The following CLCN4 variants were observed in gnomAD, a reference collection of about 807,000 sequenced individuals.
CLCN4 encodes the protein Cl-/H+ antiporter 4.
A neutral mutation model predicts 41.7 loss-of-function variants in CLCN4; 1 was observed. That is an observed-to-expected ratio of 0.02 (90% CI 0.01 to 0.11). CLCN4 has a LOEUF of 0.11. Ranked by LOEUF, CLCN4 falls within the 10% of genes least tolerant of loss-of-function variation. CLCN4 has a pLI of 1.00. For synonymous variants in CLCN4, 277 were observed against 285.8 expected, an observed-to-expected ratio of 0.97 and a Z score of 0.31; for missense variants, 287 against 661.0, an observed-to-expected ratio of 0.43 and a Z score of 6.20.
At chrX:10,198,225 G>C (rs1411481781) in intron 6 of CLCN4, among the ~76,000 whole-genome samples, 164 bp downstream of exon 6, 2 of 112,168 alleles carry the variant, frequency 1.8e-5, no homozygotes, top group East Asian at 5.6e-4. Flanking sequence ...GATAGTTGAC[G>C]AAACTAAAGC....
intron 2 of CLCN4, among the ~76,000 whole-genome samples, chrX:10,183,994 T>A (rs1232562347): frequency 2.7e-5 from 3 of 112,053 alleles, no homozygotes; most frequent in Non-Finnish European, 3.8e-5. Flanking sequence ...CATAGAGGGC[T>A]CCTGCCATCT....
At chrX:10,184,895 A>G in intron 2 of CLCN4, 127 bp from the exon 3 acceptor site, 1 of 489,690 alleles carries the variant, frequency 2.0e-6, no homozygotes, top group Admixed American at 3.6e-5. Context: ...TATATATTTC[A>G]TTACAGCACA....
At chrX:10,204,027 C>T (rs1051069939) in intron 6 of CLCN4, among the ~76,000 whole-genome samples, 1 of 111,666 alleles carries the variant, frequency 9.0e-6, no homozygotes, top group Non-Finnish European at 1.9e-5. Flanking sequence ...GTTGCTAACC[C>T]GGCAGTAAAC....
intron 2 of CLCN4, among the ~76,000 whole-genome samples, chrX:10,161,063 C>T (rs900489027): frequency 9.1e-6 from 1 of 109,304 alleles, no homozygotes; most frequent in Admixed American, 9.7e-5. Flanking sequence ...TTTCCTTGTG[C>T]CCCAGGCTTT....
chrX:10,214,669 G>A (rs1229953958), intron 11 of CLCN4, among the ~76,000 whole-genome samples: 1 of 112,616 alleles, frequency 8.9e-6, no homozygotes, highest in African/African-American at 3.2e-5. Flanking sequence ...AACCAATTGC[G>A]TGAGATGATT....
At chrX:10,227,927 CTTT>C (rs983768587) in intron 12 of CLCN4, among the ~76,000 whole-genome samples, 1 of 110,820 alleles carries the variant, frequency 9.0e-6, no homozygotes, top group Non-Finnish European at 1.9e-5. Context: ...TTTGGTTTCC[CTTT>C]TTTTCTTTTT....
At chrX:10,207,713 A>G (rs761930832) in intron 8 of CLCN4, among the ~76,000 whole-genome samples, 29 of 112,001 alleles carry the variant, frequency 2.6e-4, no homozygotes, top group Non-Finnish European at 4.9e-4. Context: ...GAGTTTTCCA[A>G]ACCCTGATCT....
At chrX:10,172,551 A>G (rs1042890863) in intron 2 of CLCN4, among the ~76,000 whole-genome samples, 4 of 111,405 alleles carry the variant, frequency 3.6e-5, no homozygotes, top group Non-Finnish European at 7.5e-5. Context: ...ACTGTGAATG[A>G]AGAGACCGAG....
chrX:10,183,327 T>C (rs1311890211), intron 2 of CLCN4, among the ~76,000 whole-genome samples: 2 of 111,852 alleles, frequency 1.8e-5, no homozygotes, highest in South Asian at 3.7e-4. Flanking sequence ...GTGACCACTT[T>C]ATTGCTTGTA....
At chrX:10,227,206 G>A (rs754079965) in intron 12 of CLCN4, among the ~76,000 whole-genome samples, 173 of 111,127 alleles carry the variant, frequency 1.6e-3, no homozygotes, top group African/African-American at 5.3e-3. Flanking sequence ...TATTCACCAC[G>A]ATCAAGTCAG....
intron 2 of CLCN4, among the ~76,000 whole-genome samples, chrX:10,173,624 TTTTC>T (rs1923440250): frequency 8.9e-6 from 1 of 111,769 alleles, no homozygotes; most frequent in Non-Finnish European, 1.9e-5. Flanking sequence ...GCCCGGTCTC[TTTTC>T]TTTCTTTGTT....
At chrX:10,218,073 G>A (rs901142894) in intron 11 of CLCN4, among the ~76,000 whole-genome samples, 5 of 111,429 alleles carry the variant, frequency 4.5e-5, no homozygotes, top group African/African-American at 1.3e-4. Context: ...AAGAGCTGTG[G>A]CCACTGAGAC....
rs919277621 is a variant in CLCN4, at chrX:10,235,944, C to T, written c.*2360C>T. ...TGTTGGTGTTGTGGTTTCTGCGGAA[C>T]GTTTACAAGTGAAGTTGGATTCTCC... On this transcript the variant is annotated 3_prime_UTR_variant, in exon 13 of 13. Coordinates refer to ENST00000380833, the MANE Select transcript of CLCN4 (RefSeq NM_001830.4). The T allele has an allele frequency of 8.9e-6, 1 of 112,410 alleles. No homozygotes were observed. The highest frequency in any genetic ancestry group is 3.2e-5 in the African/African-American group (1 of 30,924). The allele number at this position is 112,410 out of a possible 1,213,427, so 9.3% of individuals were successfully genotyped here.
At chrX:10,201,664 C>T (rs7053976) in intron 6 of CLCN4, among the ~76,000 whole-genome samples, 2,596 of 112,195 alleles carry the variant, frequency 0.023, 65 homozygotes, top group African/African-American at 0.08. Flanking sequence ...GGTGATCTGC[C>T]ATAAGCTGCT....
chrX:10,232,737 A>T (rs1467299280), intron 12 of CLCN4, among the ~76,000 whole-genome samples: 5 of 110,594 alleles, frequency 4.5e-5, no homozygotes, highest in Non-Finnish European at 7.6e-5. Context: ...CACAATTTCT[A>T]CTGCAGTGTT....
rs1924840296 is a variant in CLCN4, at chrX:10,220,774, C to T, written c.2089C>T (p.Leu697=). 1 of 1,209,860 alleles carries T rather than the reference C, an allele frequency of 8.3e-7. No homozygotes were observed. The highest frequency in any genetic ancestry group is 1.1e-6 in the Non-Finnish European group (1 of 894,884). The change falls in exon 12 of 13, where the codon CTG becomes TTG. Residue 697 remains leucine, a synonymous_variant. Transcript: ENST00000380833. ...SPHPLKLRRI[L]NLSPFTVTDH... is the part of the protein sequence containing the mutation. ...ACATCCCCTGAAGCTGCGGCGCATC[C>T]TGAACCTCAGCCCGTTTACAGTGAC...
chrX:10,212,724 G>C, intron 10 of CLCN4, 71 bp downstream of exon 10: 43 of 966,810 alleles, frequency 4.4e-5, no homozygotes, highest in Non-Finnish European at 5.8e-5. Context: ...CAAGAAGGAA[G>C]ACATGGACTT....
chrX:10,158,181 T>C (rs1348719495), intron 1 of CLCN4, 108 bp from the exon 2 acceptor site: 1 of 266,734 alleles, frequency 3.7e-6, no homozygotes, highest in African/African-American at 2.8e-5. Flanking sequence ...TTCCTTTCAC[T>C]GTAATCCCTT....
In CLCN4 at chrX:10,228,434, A is replaced by T. The variant is rs186915502; in HGVS notation, c.2193-5060A>T. On this transcript the variant is annotated intron_variant, in intron 12 of 12. Coordinates refer to ENST00000380833, the MANE Select transcript of CLCN4 (RefSeq NM_001830.4). ...TGCCAGCCGACCCTGACCCTTGAGG[A>T]CATCAATCCCCTCCGTACAGCACCC... is the stretch of plus-strand genomic sequence containing the variant. Among the ~76,000 whole-genome samples the T allele has an allele frequency of 3.6e-5, 4 of 110,942 alleles. No individual in the cohort carries two copies. In the East Asian group the frequency reaches 1.1e-3, roughly 32 times the overall value.
Sources: gnomAD v4.1 joint callset for allele counts (sites outside exome capture counted in the v4.1 genomes callset) on GRCh38, gnomAD v4.1.1 for gene constraint, MANE v1.5 for transcripts, NCBI Gene and HGNC (gene_info 2026-07-23, HGNC 2026-07-21) for gene names.